The following TMCO4 variants were observed in gnomAD, a reference collection of about 807,000 sequenced individuals.
TMCO4 encodes transmembrane and coiled-coil domains 4.
TMCO4 carries 58 observed loss-of-function variants against 64.7 expected under a neutral mutation model. That is an observed-to-expected ratio of 0.90 (90% CI 0.73 to 1.12). The LOEUF (loss-of-function observed/expected upper bound fraction) is 1.12. TMCO4 is among the 50% of genes most tolerant of loss of function. The pLI is 0.00. For synonymous variants in TMCO4, 325 were observed against 346.1 expected (o/e 0.94, Z 0.68); for missense variants, 780 against 825.9 (o/e 0.94, Z 0.68).
chr1:19,700,997 C>A (rs189404650), intron 13 of TMCO4, 112 bp from the exon 14 acceptor site: 1 of 797,304 alleles, frequency 1.3e-6, no homozygotes, highest in South Asian at 1.7e-5. Context: ...CATGCACACA[C>A]GTGAACGTGG....
intron 13 of TMCO4, among the ~76,000 whole-genome samples, chr1:19,724,231 T>G (rs548585948): frequency 1.3e-5 from 2 of 152,304 alleles, no homozygotes; most frequent in South Asian, 4.1e-4. Context: ...AAAAATCCAT[T>G]TGGATAAACT....
At chr1:19,768,056 G>A (rs996855107) in intron 6 of TMCO4, among the ~76,000 whole-genome samples, 1 of 147,330 alleles carries the variant, frequency 6.8e-6, no homozygotes, top group African/African-American at 2.6e-5. Context: ...CATGCCACCT[G>A]TACTCCAGCC....
rs1433580248 is a variant in TMCO4 at position 19,682,322 on chromosome 1, T to A, written c.*718A>T. 6.6e-6 allele frequency: 2 copies of A among 303,732 alleles called. No individual in the cohort carries two copies. The highest frequency in any genetic ancestry group is 4.2e-5 in the African/African-American group (2 of 48,126). 18.8% of individuals were successfully genotyped at this position (303,732 alleles called of 1,614,324 possible). On this transcript the variant is annotated 3_prime_UTR_variant, in exon 16 of 16. Transcript: ENST00000294543. ...TCTTTCCATGTAAAATTCATTCTTGTCCCCAGGCCTAGTTCACAGCCATAC... is the reference window on the plus strand; with the variant it reads ...TCTTTCCATGTAAAATTCATTCTTGACCCCAGGCCTAGTTCACAGCCATAC...
intron 13 of TMCO4, among the ~76,000 whole-genome samples, chr1:19,701,509 T>C (rs1326833645): frequency 1.3e-5 from 2 of 152,114 alleles, no homozygotes; most frequent in Non-Finnish European, 2.9e-5. Flanking sequence ...AAACCAAAGA[T>C]ATCTGCAAGA....
chr1:19,745,324 G>C, intron 10 of TMCO4: 1 of 718,668 alleles, frequency 1.4e-6, no homozygotes, highest in Non-Finnish European at 2.2e-6. Flanking sequence ...GGATGGACAG[G>C]TGGGTAGGTG....
chr1:19,687,504 C>T (rs2095158739), intron 15 of TMCO4, among the ~76,000 whole-genome samples: 1 of 152,176 alleles, frequency 6.6e-6, no homozygotes, highest in Non-Finnish European at 1.5e-5. Context: ...AGGAGGTACT[C>T]TGTAAATATG....
chr1:19,772,280 C>T (rs2043020258), intron 4 of TMCO4, among the ~76,000 whole-genome samples: 1 of 152,250 alleles, frequency 6.6e-6, no homozygotes, highest in South Asian at 2.1e-4. Context: ...AGAAGGCCAT[C>T]TGCTCTCCTG....
chr1:19,717,533 G>A (rs982747032), intron 13 of TMCO4, among the ~76,000 whole-genome samples: 4 of 152,224 alleles, frequency 2.6e-5, no homozygotes, highest in African/African-American at 9.6e-5. Context: ...CCTGCATTTT[G>A]GACCCTGTTC....
intron 3 of TMCO4, among the ~76,000 whole-genome samples, chr1:19,781,774 G>A (rs989016740): frequency 2.0e-5 from 3 of 151,848 alleles, no homozygotes; most frequent in Non-Finnish European, 2.9e-5. Flanking sequence ...AGCCTCCCGC[G>A]TAGCTGGGAC....
intron 13 of TMCO4, among the ~76,000 whole-genome samples, chr1:19,723,468 T>C (rs2095394961): frequency 6.6e-6 from 1 of 152,112 alleles, no homozygotes; most frequent in Non-Finnish European, 1.5e-5. Flanking sequence ...TCCCTGGGGG[T>C]TACTGGGTCC....
intron 7 of TMCO4, among the ~76,000 whole-genome samples, chr1:19,748,178 A>G (rs1315577723): frequency 6.6e-6 from 1 of 152,204 alleles, no homozygotes. Context: ...GGATCCAGAA[A>G]TAGATTATCT....
chr1:19,770,391 C>A (rs769490890), intron 6 of TMCO4, 151 bp downstream of exon 6: 29 of 790,822 alleles, frequency 3.7e-5, no homozygotes, highest in Non-Finnish European at 6.5e-5. Context: ...GAAGGGCTCA[C>A]CAGCTCACCA....
In TMCO4 at chr1:19,697,225, C is replaced by T. The variant is rs1392494375; in HGVS notation, c.1383-2674G>A. On this transcript the variant is annotated intron_variant, in intron 14 of 15. Transcript: ENST00000294543. ...CAAAATTCACCTTGGACATCCCCTC[C>T]TCCAGGGAGTGCCCTGGGCCTCTCC... 2.6e-5 allele frequency among the ~76,000 whole-genome samples: 4 copies of T among 152,316 alleles called. No homozygotes were observed. The Middle Eastern group carries it at 0.01, about 389-fold the overall frequency.
intron 15 of TMCO4, among the ~76,000 whole-genome samples, chr1:19,690,866 C>CTTT (rs34764589): frequency 1.9e-4 from 21 of 111,258 alleles, no homozygotes; most frequent in South Asian, 3.0e-4. Flanking sequence ...TGTGAAGACT[C>CTTT]TTTTTTTTTT....
chr1:19,717,022 A>G (rs2095359995), intron 13 of TMCO4, among the ~76,000 whole-genome samples: 1 of 152,134 alleles, frequency 6.6e-6, no homozygotes, highest in Non-Finnish European at 1.5e-5. Flanking sequence ...CCCCATCTCT[A>G]CTAAAAATAC....
At chr1:19,763,295 C>G (rs1257743900) in intron 6 of TMCO4, among the ~76,000 whole-genome samples, 1 of 152,096 alleles carries the variant, frequency 6.6e-6, no homozygotes, top group Non-Finnish European at 1.5e-5. Context: ...AGGCTGGTCT[C>G]GAACTCCTGA....
At chr1:19,741,363 T>C (rs1557546569) in intron 10 of TMCO4, among the ~76,000 whole-genome samples, 1 of 152,194 alleles carries the variant, frequency 6.6e-6, no homozygotes, top group Non-Finnish European at 1.5e-5. Context: ...AACGAGAGCA[T>C]ACAATGGGAC....
chr1:19,711,227 T>C (rs1369052338), intron 13 of TMCO4, among the ~76,000 whole-genome samples: 2 of 152,230 alleles, frequency 1.3e-5, no homozygotes, highest in Non-Finnish European at 2.9e-5. Context: ...AATTGAAGGT[T>C]TGTGGCAGCC....
chr1:19,778,336 C>T (rs539309750), intron 4 of TMCO4, among the ~76,000 whole-genome samples: 27 of 152,048 alleles, frequency 1.8e-4, no homozygotes, highest in African/African-American at 6.0e-4. Context: ...TGCAGTAGCA[C>T]GATCTTGGCT....
Sources: gnomAD v4.1 joint callset for allele counts (sites outside exome capture counted in the v4.1 genomes callset) on GRCh38, gnomAD v4.1.1 for gene constraint, MANE v1.5 for transcripts, NCBI Gene and HGNC (gene_info 2026-07-23, HGNC 2026-07-21) for gene names.